The following FEZ1 variants were observed in gnomAD, a reference collection of about 807,000 sequenced individuals.
FEZ1 encodes the protein fasciculation and elongation protein zeta 1, also known as fasciculation and elongation protein zeta-1.
Under a neutral mutation model 49.3 loss-of-function variants are expected in FEZ1, and 20 were observed. That is an observed-to-expected ratio of 0.41 (90% confidence interval 0.29 to 0.59). The LOEUF (loss-of-function observed/expected upper bound fraction) is 0.59. FEZ1 is among the 20% of genes least tolerant of loss of function. The pLI is 0.36. For synonymous variants in FEZ1, 170 were observed against 180.9 expected (o/e 0.94, Z 0.48); for missense variants, 413 against 476.0 (o/e 0.87, Z 1.23).
chr11:125,454,938 C>T (rs1224558996), intron 6 of FEZ1, among the ~76,000 whole-genome samples: 2 of 149,972 alleles, frequency 1.3e-5, no homozygotes, highest in African/African-American at 2.5e-5. Flanking sequence ...CGCTTGAACC[C>T]GGGAAGCAGA....
intron 3 of FEZ1, among the ~76,000 whole-genome samples, chr11:125,464,076 C>T (rs988779477): frequency 3.9e-5 from 6 of 152,190 alleles, no homozygotes; most frequent in Admixed American, 3.9e-4. Flanking sequence ...CATCCTGTTA[C>T]TGGAATCCAG....
intron 6 of FEZ1, 58 bp downstream of exon 6, chr11:125,455,777 G>C: frequency 3.2e-6 from 5 of 1,585,970 alleles, no homozygotes; most frequent in Non-Finnish European, 4.3e-6. Flanking sequence ...GTAGGGCACT[G>C]AAACGGGCAG....
At chr11:125,464,163 AAAC>A (rs1397685473) in intron 3 of FEZ1, among the ~76,000 whole-genome samples, 3 of 152,352 alleles carry the variant, frequency 2.0e-5, no homozygotes, top group Admixed American at 2.0e-4. Context: ...CACATGAACT[AAAC>A]AACAACAAAA....
chr11:125,455,705 T>G (rs1957003820), intron 6 of FEZ1, 130 bp downstream of exon 6: 1 of 905,860 alleles, frequency 1.1e-6, no homozygotes, highest in Non-Finnish European at 1.8e-6. Flanking sequence ...ACCCCCTGTC[T>G]GTCACAGTGT....
chr11:125,452,327 A>C lies in FEZ1; in HGVS notation c.1096+7T>G, dbSNP rs779436234. The C allele has an allele frequency of 1.3e-6, 2 of 1,586,428 alleles. No individual in the cohort carries two copies. The highest frequency in any genetic ancestry group is 3.3e-5 in the Admixed American group (2 of 59,994). On this transcript the variant is annotated splice_region_variant and intron_variant, in intron 8 of 9. Coordinates refer to ENST00000278919, the MANE Select transcript of FEZ1 (RefSeq NM_005103.5). ...CACTGATCTGGCTGAGAACAAGAGGAACTCACTGTTTGTCAGCATCTGCAG... is the reference window on the plus strand; with the variant it reads ...CACTGATCTGGCTGAGAACAAGAGGCACTCACTGTTTGTCAGCATCTGCAG...
chr11:125,455,877 C>T lies in FEZ1; in HGVS notation c.897G>A (p.Leu299=). 6.2e-7 allele frequency: 1 copy of T among 1,613,968 alleles called. No individual in the cohort carries two copies. The highest frequency in any genetic ancestry group is 8.5e-7 in the Non-Finnish European group (1 of 1,179,988). The change falls in exon 6 of 10, where the codon CTG becomes CTA. Residue 299 remains leucine, a synonymous_variant. Transcript: ENST00000278919. ...KKRRKEKGLS[L]QSSRIEKGNQ... ...TTCCCTTCTCTATCCGGCTGCTCTG[C>T]AGGCTCAGCCCTTTCTCTTTCCGCC...
At chr11:125,476,546 C>T (rs969812633) in intron 3 of FEZ1, among the ~76,000 whole-genome samples, 1 of 151,776 alleles carries the variant, frequency 6.6e-6, no homozygotes, top group African/African-American at 2.4e-5. Flanking sequence ...CTGAGGACAA[C>T]ATAATGAAGG....
intron 7 of FEZ1, 111 bp downstream of exon 7, chr11:125,454,019 C>G (rs1210594527): frequency 3.1e-6 from 2 of 642,682 alleles, no homozygotes; most frequent in East Asian, 3.0e-5. Flanking sequence ...CCCCTAACCC[C>G]CTAAATAAAT....
chr11:125,489,195 AC>A lies in FEZ1; in HGVS notation c.311+271del, dbSNP rs1345897580. On this transcript the variant is annotated intron_variant, in intron 2 of 9. Coordinates refer to ENST00000278919, the MANE Select transcript of FEZ1 (RefSeq NM_005103.5). This position sits in a 1 kb window ranked among gnomAD's most constrained non-coding sequence, Gnocchi z 4.2. ...TATAAAGAAAGCTTAAGATAGACAG[AC>A]CCTGAAATTTACTGTGCTCCTGAAA... 1.8e-6 allele frequency: 2 copies of A among 1,114,616 alleles called. No homozygotes were observed. Among genetic ancestry groups the A allele is most frequent in the Non-Finnish European group, 2.2e-6 (2 of 914,814 alleles). The allele number at this position is 1,114,616 out of a possible 1,614,324, so 69.0% of individuals were successfully genotyped here. A position where few individuals can be genotyped will look rare whatever the true frequency, so the allele number is the denominator to read the frequency against.
chr11:125,460,133 C>T (rs572789600), intron 5 of FEZ1: 1 of 165,522 alleles, frequency 6.0e-6, no homozygotes, highest in African/African-American at 2.4e-5. Context: ...AGAATAAGGT[C>T]TGGCACATAG....
At chr11:125,482,467 A>T (rs1400540887) in intron 2 of FEZ1, among the ~76,000 whole-genome samples, 1 of 152,266 alleles carries the variant, frequency 6.6e-6, no homozygotes, top group African/African-American at 2.4e-5. Flanking sequence ...GTACATTATA[A>T]GAAAGGATTT....
chr11:125,495,771 C>G lies in FEZ1; in HGVS notation c.-46+350G>C. On this transcript the variant is annotated intron_variant, in intron 1 of 9. Coordinates refer to ENST00000278919, the MANE Select transcript of FEZ1 (RefSeq NM_005103.5). This position sits in a 1 kb window ranked among gnomAD's most constrained non-coding sequence, Gnocchi z 4.2. ...TACCTCGCCGCCCTGCCTTCACACG[C>G]GCGCACACACGCGGGCACACACACG... 1 of 355,842 alleles carries G rather than the reference C, an allele frequency of 2.8e-6. No homozygotes were observed. The highest frequency in any genetic ancestry group is 2.1e-5 in the South Asian group (1 of 48,422). 22.0% of individuals were successfully genotyped at this position (355,842 alleles called of 1,614,324 possible).
intron 3 of FEZ1, among the ~76,000 whole-genome samples, chr11:125,476,296 G>A (rs1375366017): frequency 2.0e-5 from 3 of 152,084 alleles, no homozygotes; most frequent in Non-Finnish European, 4.4e-5. Flanking sequence ...GATATGGGGG[G>A]AAAAACAGAA....
intron 6 of FEZ1, among the ~76,000 whole-genome samples, chr11:125,454,823 G>T (rs957313350): frequency 1.3e-5 from 2 of 151,918 alleles, no homozygotes. Flanking sequence ...AGACCAGCCT[G>T]ACCAACATGG....
chr11:125,460,083 G>C (rs1053856674), intron 5 of FEZ1, among the ~76,000 whole-genome samples: 1 of 151,998 alleles, frequency 6.6e-6, no homozygotes, highest in Non-Finnish European at 1.5e-5. Context: ...GTGACAGACA[G>C]AGAGAGACTC....
intron 3 of FEZ1, among the ~76,000 whole-genome samples, chr11:125,474,947 A>T (rs528069367): frequency 6.6e-6 from 1 of 151,926 alleles, no homozygotes; most frequent in South Asian, 2.1e-4. Context: ...TACTAAAAAA[A>T]TGCACAAAAG....
At chr11:125,446,987 A>T (rs1175814186) in intron 9 of FEZ1, among the ~76,000 whole-genome samples, 3 of 152,198 alleles carry the variant, frequency 2.0e-5, no homozygotes, top group Admixed American at 6.5e-5. Context: ...AGGATTTCTT[A>T]GCTATAGGTC....
Position 125,443,717 on chromosome 11 carries a change from T to C in FEZ1, c.*2378A>G, listed in dbSNP as rs1565528257. Among the ~76,000 whole-genome samples the C allele has an allele frequency of 1.3e-5, 2 of 152,216 alleles. No homozygotes were observed. Among genetic ancestry groups the C allele is most frequent in the South Asian group, 4.2e-4 (2 of 4,806 alleles). On this transcript the variant is annotated 3_prime_UTR_variant, in exon 10 of 10. Transcript: ENST00000278919. The stretch of plus-strand genomic sequence containing the variant: ...AAGGGCAATGCAAAACCATGAGGAA[T>C]TGATTTCATATTCCCCTTAAACTCC...
chr11:125,477,757 C>A (rs1413350919), intron 3 of FEZ1, among the ~76,000 whole-genome samples: 3 of 152,040 alleles, frequency 2.0e-5, no homozygotes, highest in African/African-American at 7.2e-5. Context: ...ATTCCTGAGG[C>A]ACTGGCCTGG....
Sources: gnomAD v4.1 joint callset for allele counts (sites outside exome capture counted in the v4.1 genomes callset) on GRCh38, gnomAD v4.1.1 for gene constraint, Gnocchi (gnomAD v3.1) non-coding constraint, MANE v1.5 for transcripts, NCBI Gene and HGNC (gene_info 2026-07-23, HGNC 2026-07-21) for gene names.